Variants in TUBGCP5 observed in about 807,000 individuals in gnomAD.
The protein encoded by TUBGCP5 is tubulin gamma complex component 5, also known as gamma-tubulin complex component 5.
A neutral mutation model predicts 134.7 loss-of-function variants in TUBGCP5; 98 were observed. That is an observed-to-expected ratio of 0.73 (90% confidence interval 0.62 to 0.86). The LOEUF (loss-of-function observed/expected upper bound fraction) is 0.86. TUBGCP5 is among the 40% of genes least tolerant of loss of function. The probability of loss-of-function intolerance (pLI) is 0.00; values close to 1 mark genes in which losing one functional copy is unlikely to be tolerated. For missense variants in TUBGCP5, 1,150 were observed against 1,244.8 expected (o/e 0.92, Z 1.15); for synonymous variants, 456 against 431.4 (o/e 1.06, Z -0.71).
At chr15:23,009,338 A>G (rs1444557120) in intron 15 of TUBGCP5, among the ~76,000 whole-genome samples, 2 of 150,558 alleles carry the variant, frequency 1.3e-5, no homozygotes, top group South Asian at 2.1e-4. Flanking sequence ...GCCCGATCTC[A>G]GCTCACTGCA....
At chr15:22,993,866 A>C (rs2063947733) in intron 23 of TUBGCP5, among the ~76,000 whole-genome samples, 1 of 151,328 alleles carries the variant, frequency 6.6e-6, no homozygotes, top group Admixed American at 6.6e-5. Context: ...TTTTTTGTAG[A>C]GATGCGGTTT....
downstream of TUBGCP5, chr15:22,983,112 C>T (rs911307046): frequency 6.6e-6 from 1 of 152,066 alleles, no homozygotes; most frequent in East Asian, 1.9e-4. Context: ...AAGTAATTAA[C>T]GTATTATACC....
At position 23,017,827 on chromosome 15, in the gene TUBGCP5, G is replaced by A. The variant is rs201353694; in HGVS notation, c.1702C>T (p.Leu568=). The A allele has an allele frequency of 7.1e-5, 115 of 1,613,978 alleles. No homozygotes were observed. In the East Asian group the frequency reaches 2.4e-3, roughly 33 times the overall value. The change falls in exon 13 of 23, where the codon CTG becomes TTG. Residue 568 remains leucine (L), a synonymous_variant. Coordinates refer to ENST00000615383, the MANE Select transcript of TUBGCP5 (RefSeq NM_052903.6). ...QIIMAGKSMQ[L]LKNLQCAEST... ...TCCGCACACTGCAGGTTCTTCAGCA[G>A]CTGCATCGACTTGCCAGCCATTATG...
chr15:23,033,871 T>C (rs1595908947), intron 3 of TUBGCP5, among the ~76,000 whole-genome samples: 1 of 152,188 alleles, frequency 6.6e-6, no homozygotes, highest in Non-Finnish European at 1.5e-5. Context: ...GGTATTACTC[T>C]CCTCTGTTCA....
At chr15:23,027,937 C>G (rs188744503) in intron 6 of TUBGCP5, among the ~76,000 whole-genome samples, 2 of 151,990 alleles carry the variant, frequency 1.3e-5, no homozygotes, top group Non-Finnish European at 2.9e-5. Context: ...CCAACCACTA[C>G]GGAAGTCTCA....
At position 23,028,717 on chromosome 15, in the gene TUBGCP5, C is replaced by T. The variant is rs1038470853; in HGVS notation, c.623-1411G>A. Among the ~76,000 whole-genome samples the T allele has an allele frequency of 2.6e-5, 4 of 152,228 alleles. No homozygotes were observed. In the East Asian group the frequency reaches 5.8e-4, roughly 22 times the overall value. ...CGGAGGAGTTTCAGGTATAACCCCC[C>T]TTAGGATGAGACCTAGTCATCCAGG... On this transcript the variant is annotated intron_variant, in intron 6 of 22. Transcript: ENST00000615383.
At chr15:23,001,707 GGGGTTTCCAT>G (rs1221237944) in intron 21 of TUBGCP5, among the ~76,000 whole-genome samples, 1 of 151,570 alleles carries the variant, frequency 6.6e-6, no homozygotes, top group African/African-American at 2.4e-5. Flanking sequence ...AACTTCAGAA[GGGGTTTCCAT>G]GGCCCACTGC....
intron 11 of TUBGCP5, among the ~76,000 whole-genome samples, chr15:23,019,859 G>C (rs1014885603): frequency 6.6e-6 from 1 of 152,136 alleles, no homozygotes; most frequent in African/African-American, 2.4e-5. Flanking sequence ...CATATTGTTT[G>C]TAGTCCAGAC....
At chr15:23,036,588 C>G (rs2066600982) in intron 3 of TUBGCP5, among the ~76,000 whole-genome samples, 1 of 152,012 alleles carries the variant, frequency 6.6e-6, no homozygotes, top group Non-Finnish European at 1.5e-5. Context: ...CAGACAGTCA[C>G]TGCCAAGTGC....
chr15:23,009,445 T>A (rs1273856325), intron 15 of TUBGCP5, among the ~76,000 whole-genome samples: 1 of 151,980 alleles, frequency 6.6e-6, no homozygotes, highest in Non-Finnish European at 1.5e-5. Context: ...ATTTTTTGTA[T>A]TTTTAGTAGA....
chr15:23,012,315 A>C (rs982590614), intron 13 of TUBGCP5, among the ~76,000 whole-genome samples: 1 of 152,176 alleles, frequency 6.6e-6, no homozygotes, highest in African/African-American at 2.4e-5. Context: ...ACTTATTTCA[A>C]GTAGATACAA....
intron 3 of TUBGCP5, 44 bp from the exon 4 acceptor site, chr15:23,032,868 T>C (rs1321971478): frequency 7.2e-7 from 1 of 1,398,122 alleles, no homozygotes; most frequent in South Asian, 1.4e-5. Flanking sequence ...GGTTGGGAAA[T>C]GCTTTCTACA....
At chr15:22,987,895 C>CAAAAAAAAA (rs869168765) in intron 23 of TUBGCP5, among the ~76,000 whole-genome samples, 1 of 20,488 alleles carries the variant, frequency 4.9e-5, no homozygotes, top group Non-Finnish European at 9.0e-5. Flanking sequence ...GACTCCATCT[C>CAAAAAAAAA]AAAAAAAAAA....
At chr15:22,996,810 A>C (rs12905974), downstream of TUBGCP5, 1 of 152,032 alleles carries the variant, frequency 6.6e-6, no homozygotes, top group Non-Finnish European at 1.5e-5. Context: ...CTTCCAAAAA[A>C]ACACAAAAGA....
intron 10 of TUBGCP5, chr15:23,023,575 T>G (rs1048639463): frequency 1.8e-5 from 3 of 166,880 alleles, no homozygotes; most frequent in African/African-American, 7.2e-5. Context: ...ACTGGAAAAA[T>G]TTGAAGAGAG....
chr15:23,019,453 G>T, intron 11 of TUBGCP5, 119 bp from the exon 12 acceptor site: 1 of 694,140 alleles, frequency 1.4e-6, no homozygotes, highest in Admixed American at 2.6e-5. Context: ...GTTTTTTGGG[G>T]CACAAAGAAA....
Position 23,008,756 on chromosome 15 carries a change from A to C in TUBGCP5, c.2270T>G (p.Phe757Cys). 6.2e-7 allele frequency: 1 copy of C among 1,607,982 alleles called. No individual in the cohort carries two copies. Among genetic ancestry groups the C allele is most frequent in the Non-Finnish European group, 8.5e-7 (1 of 1,178,688 alleles). The change falls in exon 16 of 23, where the codon TTT (phenylalanine) becomes TGT (cysteine). Residue 757 changes from phenylalanine (F) to cysteine (C), a missense_variant. By Grantham distance (205) the Phe-to-Cys change is radical (BLOSUM62 -2). Coordinates refer to ENST00000615383, the MANE Select transcript of TUBGCP5 (RefSeq NM_052903.6). ...TGCTTCTTGGAGTTGGACATTAAGA[A>C]AAGACACATTCTGCCATGTTTCCTT... ...REKETWQNVS[F>C]LNVQLQEAVG...
intron 23 of TUBGCP5, among the ~76,000 whole-genome samples, chr15:22,988,389 G>C (rs541704125): frequency 1.3e-5 from 2 of 152,020 alleles, no homozygotes; most frequent in East Asian, 1.9e-4. Context: ...AGGCCCTATT[G>C]CTGCCTTGAA....
chr15:22,983,371 A>G lies in TUBGCP5; in HGVS notation c.*302T>C, dbSNP rs566549381. ...GGATAAGCTTCAAGACCCCTGGTGGATGTCTGAAAGGACAGATAGTAGCAC... is the reference window on the plus strand; with the variant it reads ...GGATAAGCTTCAAGACCCCTGGTGGGTGTCTGAAAGGACAGATAGTAGCAC... On this transcript the variant is annotated 3_prime_UTR_variant and NMD_transcript_variant, in exon 24 of 24. Coordinates refer to the TUBGCP5 transcript ENST00000614508. The G allele has an allele frequency of 5.3e-5, 8 of 152,330 alleles. No homozygotes were observed. In the South Asian group the frequency reaches 1.0e-3, roughly 20 times the overall value. The allele number at this position is 152,330 out of a possible 1,614,324, so 9.4% of individuals were successfully genotyped here.
Sources: gnomAD v4.1 joint callset for allele counts (sites outside exome capture counted in the v4.1 genomes callset) on GRCh38, gnomAD v4.1.1 for gene constraint, MANE v1.5 for transcripts, NCBI Gene and HGNC (gene_info 2026-07-23, HGNC 2026-07-21) for gene names.